The following F13A1 variants were observed in gnomAD, a reference collection of about 807,000 sequenced individuals.
F13A1 encodes coagulation factor XIII A chain.
F13A1 carries 47 observed loss-of-function variants against 80.1 expected under a neutral mutation model. The ratio of observed to expected loss-of-function variants is 0.59; its 90% CI spans 0.46 to 0.75. The LOEUF (loss-of-function observed/expected upper bound fraction) is 0.75, where lower values mean the gene tolerates loss of function less well. F13A1 is among the 30% of genes least tolerant of loss of function. The probability of loss-of-function intolerance (pLI) is 0.00; values close to 1 mark genes in which losing one functional copy is unlikely to be tolerated. For synonymous variants in F13A1, 349 were observed against 344.9 expected (o/e 1.01, Z -0.13); for missense variants, 817 against 930.4 (o/e 0.88, Z 1.59).
At chr6:6,204,590 G>T (rs1761454121) in intron 8 of F13A1, among the ~76,000 whole-genome samples, 1 of 152,184 alleles carries the variant, frequency 6.6e-6, no homozygotes, top group Non-Finnish European at 1.5e-5. Context: ...CATTTCAGGG[G>T]CAGTGGGGAT....
At position 6,224,790 on chromosome 6, in the gene F13A1, G is replaced by A; in HGVS notation, c.869C>T (p.Pro290Leu). Reference sequence around the variant, plus strand: ...GTCAACGCTTCCAGTCCAGGCCGATGGGGGGACGCCATAGGCATAGATATT... The same window carrying A: ...GTCAACGCTTCCAGTCCAGGCCGATAGGGGGACGCCATAGGCATAGATATT... ...WDNIYAYGVP[P>L]SAWTGSVDIL... Residue 290 changes from proline to leucine, a missense_variant, in exon 7 of 15, where the codon CCA (proline) becomes CTA (leucine). Transcript: ENST00000264870. The A allele has an allele frequency of 1.9e-6, 3 of 1,614,084 alleles. No individual in the cohort carries two copies. The highest frequency in any genetic ancestry group is 2.5e-6 in the Non-Finnish European group (3 of 1,179,952).
rs116176381 is a variant in F13A1, at chr6:6,253,639, A to G, written c.572-2710T>C. Among the ~76,000 whole-genome samples the G allele has an allele frequency of 9.1e-3, 1,392 of 152,300 alleles. 21 individuals carry two copies. Among genetic ancestry groups the G allele is most frequent in the African/African-American group, 0.032 (1,318 of 41,562 alleles). ...CCAGCCAAGCCCCAGATCCCTGAGT[A>G]AGTGCTTATTGTTGTATGCCACTAA... On this transcript the variant is annotated intron_variant, in intron 4 of 14. Coordinates refer to ENST00000264870, the MANE Select transcript of F13A1 (RefSeq NM_000129.4).
chr6:6,223,534 G>T (rs1757229834), intron 7 of F13A1, among the ~76,000 whole-genome samples: 1 of 152,124 alleles, frequency 6.6e-6, no homozygotes, highest in African/African-American at 2.4e-5. Context: ...GAACTTCAGA[G>T]ACCAGTGCTT....
chr6:6,211,155 T>C (rs1583073490), intron 8 of F13A1, among the ~76,000 whole-genome samples: 1 of 152,238 alleles, frequency 6.6e-6, no homozygotes, highest in Non-Finnish European at 1.5e-5. Flanking sequence ...GTAATTACCT[T>C]AACATGCTGT....
At chr6:6,163,424 G>A (rs1284129009) in intron 13 of F13A1, among the ~76,000 whole-genome samples, 2 of 152,056 alleles carry the variant, frequency 1.3e-5, no homozygotes, top group African/African-American at 4.8e-5. Flanking sequence ...AGATTATTTT[G>A]TCACAAAGAT....
At chr6:6,240,033 G>C (rs1039936983) in intron 6 of F13A1, among the ~76,000 whole-genome samples, 1 of 152,094 alleles carries the variant, frequency 6.6e-6, no homozygotes, top group Non-Finnish European at 1.5e-5. Flanking sequence ...CAGGAGACCA[G>C]AGCAGCACCA....
intron 6 of F13A1, among the ~76,000 whole-genome samples, chr6:6,230,062 T>A (rs1185658781): frequency 1.3e-5 from 2 of 152,064 alleles, no homozygotes; most frequent in East Asian, 3.9e-4. Context: ...AGCTGAACTT[T>A]GTAGCAATTT....
chr6:6,204,887 G>A (rs1047729955), intron 8 of F13A1, among the ~76,000 whole-genome samples: 5 of 152,070 alleles, frequency 3.3e-5, no homozygotes, highest in African/African-American at 4.8e-5. Flanking sequence ...GTTAACTGGC[G>A]TCATGTCAAA....
At chr6:6,206,406 T>G (rs1173369512) in intron 8 of F13A1, 1 of 462,266 alleles carries the variant, frequency 2.2e-6, no homozygotes, top group Non-Finnish European at 4.4e-6. Context: ...CATTGCCATA[T>G]GGAGTGTTTT....
At chr6:6,182,816 T>C (rs151256542) in intron 10 of F13A1, among the ~76,000 whole-genome samples, 6 of 152,310 alleles carry the variant, frequency 3.9e-5, no homozygotes, top group Middle Eastern at 3.4e-3. Flanking sequence ...CAGGATTTCT[T>C]ATATGAGAAA....
intron 13 of F13A1, 79 bp from the exon 14 acceptor site, chr6:6,152,028 T>C (rs1212036124): frequency 6.4e-7 from 1 of 1,553,726 alleles, no homozygotes; most frequent in African/African-American, 1.4e-5. Flanking sequence ...TCATCACTTT[T>C]ACTAGAGTTT....
chr6:6,273,998 G>A (rs1193394407), intron 3 of F13A1, among the ~76,000 whole-genome samples: 4 of 152,202 alleles, frequency 2.6e-5, no homozygotes, highest in Admixed American at 6.5e-5. Context: ...ATCTCTTTGA[G>A]GACTGTAGAA....
rs910161698 is a variant in F13A1 at position 6,243,489 on chromosome 6, A to T, written c.798+4823T>A. 1.4e-4 allele frequency among the ~76,000 whole-genome samples: 21 copies of T among 152,080 alleles called. No individual in the cohort carries two copies. The highest frequency in any genetic ancestry group is 4.6e-4 in the African/African-American group (19 of 41,396). ...CTCTGATTGATACCTTTCTTCACTT[A>T]TTCCCCATTTTCAATAATTTGCCTC... On this transcript the variant is annotated intron_variant, in intron 6 of 14. Coordinates refer to ENST00000264870, the MANE Select transcript of F13A1 (RefSeq NM_000129.4). The surrounding 1 kb of genome is among the most constrained non-coding windows in gnomAD (Gnocchi z 4.2).
intron 2 of F13A1, among the ~76,000 whole-genome samples, chr6:6,308,888 A>G (rs1054875829): frequency 5.3e-5 from 8 of 151,968 alleles, no homozygotes; most frequent in African/African-American, 1.9e-4. Context: ...CCTCCCTTAA[A>G]ACACATTCTA....
At chr6:6,283,514 C>T (rs1758094497) in intron 3 of F13A1, among the ~76,000 whole-genome samples, 1 of 152,128 alleles carries the variant, frequency 6.6e-6, no homozygotes, top group African/African-American at 2.4e-5. Flanking sequence ...AGATTGACAA[C>T]TCTAATAACG....
chr6:6,238,033 A>G (rs752237780), intron 6 of F13A1, among the ~76,000 whole-genome samples: 12 of 152,234 alleles, frequency 7.9e-5, no homozygotes, highest in Non-Finnish European at 1.8e-4. Flanking sequence ...AGAAGAACAA[A>G]AATGAATGAC....
chr6:6,294,647 A>G (rs1583115474), intron 3 of F13A1, among the ~76,000 whole-genome samples: 2 of 152,250 alleles, frequency 1.3e-5, no homozygotes, highest in East Asian at 3.9e-4. Context: ...AGTGAGTGAC[A>G]GTAAGTCAAT....
At chr6:6,226,337 G>A (rs1757275797) in intron 6 of F13A1, among the ~76,000 whole-genome samples, 1 of 152,160 alleles carries the variant, frequency 6.6e-6, no homozygotes, top group African/African-American at 2.4e-5. Flanking sequence ...CAGAATCTGA[G>A]GCCCCTCCCA....
chr6:6,301,876 A>C (rs1303130386), intron 3 of F13A1, among the ~76,000 whole-genome samples: 3 of 152,170 alleles, frequency 2.0e-5, no homozygotes, highest in Non-Finnish European at 4.4e-5. Context: ...AACTCTGAAG[A>C]TCCAACCCAT....
Sources: allele counts gnomAD v4.1 joint callset (sites outside exome capture counted in the v4.1 genomes callset), GRCh38; gene constraint gnomAD v4.1.1; non-coding constraint Gnocchi (gnomAD v3.1); transcripts MANE v1.5; gene names NCBI Gene and HGNC (gene_info 2026-07-23, HGNC 2026-07-21).